The following RANBP2 variants were observed in gnomAD, a reference collection of about 807,000 sequenced individuals.
RANBP2 encodes the protein E3 SUMO-protein ligase RanBP2.
Under a neutral mutation model 303.6 loss-of-function variants are expected in RANBP2, and 57 were observed. The ratio of observed to expected loss-of-function variants is 0.19; its 90% CI spans 0.15 to 0.23. The LOEUF is 0.23. Ranked by LOEUF, RANBP2 falls within the 10% of genes least tolerant of loss-of-function variation. The probability of loss-of-function intolerance (pLI) is 1.00; values close to 1 mark genes in which losing one functional copy is unlikely to be tolerated. For missense variants in RANBP2, 3,138 were observed against 3,780.8 expected (o/e 0.83, Z 4.46); for synonymous variants, 1,167 against 1,301.5 (o/e 0.90, Z 2.23).
At chr2:108,761,838 T>A (rs1573801869) in intron 18 of RANBP2, among the ~76,000 whole-genome samples, 1 of 152,190 alleles carries the variant, frequency 6.6e-6, no homozygotes, top group African/African-American at 2.4e-5. Flanking sequence ...CTTTATTCCT[T>A]TTTTAATGCT....
At chr2:109,693,334 A>G in the RANBP2 span, among the ~76,000 whole-genome samples, 1,671 of 152,020 alleles carry the variant, frequency 0.011, 14 homozygotes, top group Middle Eastern at 0.027. Context: ...CACCATGCCC[A>G]GCTGTTTTTT....
At chr2:109,326,268 GTTTT>G in the RANBP2 span, among the ~76,000 whole-genome samples, 3 of 152,110 alleles carry the variant, frequency 2.0e-5, no homozygotes, top group Non-Finnish European at 2.9e-5. Flanking sequence ...TCGCTCATTT[GTTTT>G]TTTATGTAGT....
chr2:109,397,869 C>T, the RANBP2 span, among the ~76,000 whole-genome samples: 6 of 152,246 alleles, frequency 3.9e-5, no homozygotes, highest in Admixed American at 2.6e-4. Flanking sequence ...CAGGATCAGA[C>T]TTTCGTCAAA....
chr2:108,781,312 AAC>A lies in RANBP2; in HGVS notation c.8647_8648del (p.Gln2883ValfsTer9). On this transcript the variant is annotated frameshift_variant, in exon 26 of 29. Coordinates refer to ENST00000283195, the MANE Select transcript of RANBP2 (RefSeq NM_006267.5). LOFTEE classifies it high-confidence loss of function. ...CAAATACTGGAGCAGCTGTGTTTGG[AAC>A]ACAGTCAGTCGGAACCCAGTCAGCC... ...WANTGAAVFG[T>X]QSVGTQSAGK... 1 of 1,614,208 alleles carries A rather than the reference AAC, an allele frequency of 6.2e-7. No homozygotes were observed. The highest frequency in any genetic ancestry group is 8.5e-7 in the Non-Finnish European group (1 of 1,180,028).
chr2:108,719,917 G>A (rs951276302), intron 1 of RANBP2, among the ~76,000 whole-genome samples: 6 of 150,598 alleles, frequency 4.0e-5, no homozygotes, highest in Non-Finnish European at 8.8e-5. Flanking sequence ...GCTTGTTCCC[G>A]ACGCTTGTTC....
the RANBP2 span, among the ~76,000 whole-genome samples, chr2:109,391,401 C>T: frequency 9.2e-4 from 140 of 152,316 alleles, no homozygotes; most frequent in African/African-American, 3.2e-3. Context: ...TGCAGGTCAC[C>T]CACAGGCTCG....
chr2:109,278,285 G>A, the RANBP2 span, among the ~76,000 whole-genome samples: 6 of 152,272 alleles, frequency 3.9e-5, no homozygotes, highest in East Asian at 1.9e-4. Flanking sequence ...GCAGGGCCCC[G>A]TGCTTCAGCC....
the RANBP2 span, among the ~76,000 whole-genome samples, chr2:109,431,575 T>C: frequency 2.0e-5 from 3 of 152,224 alleles, no homozygotes; most frequent in Non-Finnish European, 4.4e-5. Context: ...AAATTTGCTC[T>C]TTCCTTATTT....
At chr2:109,615,360 C>A in the RANBP2 span, 1 of 1,612,786 alleles carries the variant, frequency 6.2e-7, no homozygotes, top group Admixed American at 1.7e-5. Context: ...CACCTGCGAG[C>A]CCGGCCTGCT....
rs1254570580 is a variant in RANBP2 at position 108,765,876 on chromosome 2, C to T, written c.5337C>T (p.Phe1779=). 6.2e-7 allele frequency: 1 copy of T among 1,613,834 alleles called. No individual in the cohort carries two copies. Among genetic ancestry groups the T allele is most frequent in the Admixed American group, 1.7e-5 (1 of 59,982 alleles). Residue 1779 remains phenylalanine, a synonymous_variant, in exon 20 of 29, where the codon TTC becomes TTT. Transcript: ENST00000283195. The part of the protein sequence containing the change: ...KAPKSGFEGM[F]IRKGQWDCSV... ...CAAAGAGTGGATTTGAAGGAATGTT[C>T]ATCAGGAAAGGACAGTGGGATTGTA...
the RANBP2 span, among the ~76,000 whole-genome samples, chr2:109,649,475 G>A: frequency 6.6e-6 from 1 of 151,936 alleles, no homozygotes; most frequent in Non-Finnish European, 1.5e-5. Flanking sequence ...TCGGGTCACT[G>A]CAACCTCTGC....
At chr2:108,889,633 T>C in the RANBP2 span, among the ~76,000 whole-genome samples, 1 of 152,156 alleles carries the variant, frequency 6.6e-6, no homozygotes, top group East Asian at 1.9e-4. Flanking sequence ...ATTTTGGTTT[T>C]CATTTGTATG....
At chr2:109,425,316 T>A in the RANBP2 span, among the ~76,000 whole-genome samples, 82,198 of 152,138 alleles carry the variant, frequency 0.54, 22,486 homozygotes, top group African/African-American at 0.6. Flanking sequence ...GGAAAAGCTG[T>A]AGCAAGTTAT....
At chr2:109,435,024 C>T in the RANBP2 span, among the ~76,000 whole-genome samples, 1 of 152,176 alleles carries the variant, frequency 6.6e-6, no homozygotes, top group African/African-American at 2.4e-5. Flanking sequence ...TGGTTGCTCA[C>T]TCTCCTCAAG....
At chr2:109,644,140 C>CA in the RANBP2 span, among the ~76,000 whole-genome samples, 7 of 147,904 alleles carry the variant, frequency 4.7e-5, no homozygotes, top group South Asian at 2.2e-4. Context: ...AACAAAAAAA[C>CA]AAAAAAAAAC....
chr2:108,755,208 A>G lies in RANBP2; in HGVS notation c.2415A>G (p.Glu805=), dbSNP rs1022223760. ...YSPKTPPRWA[E]DQNSLLKMIC... ...CCAAAACACCACCTCGATGGGCAGA[A>G]GATCAGAATTCTTTACTGAAAATGA... Residue 805 remains glutamate, a synonymous_variant, in exon 17 of 29, where the codon GAA becomes GAG. Transcript: ENST00000283195. 1.2e-6 allele frequency: 2 copies of G among 1,611,968 alleles called. No homozygotes were observed. Among genetic ancestry groups the G allele is most frequent in the Admixed American group, 3.3e-5 (2 of 60,012 alleles).
At chr2:109,545,872 T>C in the RANBP2 span, 1 of 1,449,212 alleles carries the variant, frequency 6.9e-7, no homozygotes, top group South Asian at 1.5e-5. Flanking sequence ...CTGTTCTGGA[T>C]GCTGGGGAAA....
At chr2:109,520,995 C>T in the RANBP2 span, among the ~76,000 whole-genome samples, 4 of 151,034 alleles carry the variant, frequency 2.6e-5, no homozygotes, top group Admixed American at 6.6e-5. Flanking sequence ...TTTGATAGGC[C>T]GAGGCGGGCA....
At chr2:109,686,453 T>G in the RANBP2 span, among the ~76,000 whole-genome samples, 1 of 152,170 alleles carries the variant, frequency 6.6e-6, no homozygotes, top group African/African-American at 2.4e-5. Context: ...TAGCTGGGAT[T>G]ACAGGCGCCC....
Sources: allele counts gnomAD v4.1 joint callset (sites outside exome capture counted in the v4.1 genomes callset), GRCh38; gene constraint gnomAD v4.1.1; transcripts MANE v1.5; gene names NCBI Gene and HGNC (gene_info 2026-07-23, HGNC 2026-07-21).